Variants in HNRNPU observed in about 807,000 individuals in gnomAD.
HNRNPU encodes heterogeneous nuclear ribonucleoprotein U, also known as HNRNPU antisense RNA 1.
HNRNPU carries 5 observed loss-of-function variants against 94.7 expected under a neutral mutation model. That is an observed-to-expected ratio of 0.05 (90% confidence interval 0.03 to 0.11). The LOEUF is 0.11. Among genes scored for constraint, HNRNPU ranks in the 10% least tolerant of loss-of-function variants. HNRNPU has a pLI of 1.00. For missense variants in HNRNPU, 710 were observed against 1,049.2 expected (o/e 0.68, Z 4.47); for synonymous variants, 434 against 381.6 (o/e 1.14, Z -1.60).
In HNRNPU at chr1:244,857,104, A is replaced by G. The variant is rs1474036005; in HGVS notation, c.1615-248T>C. On this transcript the variant is annotated intron_variant, in intron 8 of 13. Coordinates refer to ENST00000640218, the MANE Select transcript of HNRNPU (RefSeq NM_031844.3). ...TACGGAAAAAAACAGAAGCCTAGCC[A>G]GTGGAAGGCAGTTTACCCTCAGAGT... The G allele has an allele frequency of 8.5e-6, 3 of 354,876 alleles. No homozygotes were observed. The East Asian group carries it at 1.5e-4, about 18-fold the overall frequency. The allele number at this position is 354,876 out of a possible 1,614,324, so 22.0% of individuals were successfully genotyped here. A position where few individuals can be genotyped will look rare whatever the true frequency, so the allele number is the denominator to read the frequency against.
rs1402734616 is a variant in HNRNPU at position 244,853,217 on chromosome 1, A to G, written c.*1233T>C. ...GAGGGGAAGGGAAGAATTCAACTTT[A>G]CTTCATAATTATGTATCAATTGTCA... On this transcript the variant is annotated 3_prime_UTR_variant, in exon 14 of 14. Transcript: ENST00000640218. The G allele has an allele frequency of 6.6e-6, 1 of 152,570 alleles. No individual in the cohort carries two copies. Among genetic ancestry groups the G allele is most frequent in the East Asian group, 1.9e-4 (1 of 5,206 alleles). 9.5% of individuals were successfully genotyped at this position (152,570 alleles called of 1,614,324 possible).
chr1:244,864,492 C>A lies in HNRNPU; in HGVS notation c.-185G>T, dbSNP rs930305002. On this transcript the variant is annotated 5_prime_UTR_variant, in exon 1 of 14. Transcript: ENST00000640218. ...CGGCGCCAATTCCTTTCACCGAGTT[C>A]GCGAGGGAGACGCGGAGACTCGCCT... 19 of 1,019,110 alleles carry A rather than the reference C, an allele frequency of 1.9e-5. No homozygotes were observed. Among genetic ancestry groups the A allele is most frequent in the Non-Finnish European group, 2.5e-5 (18 of 729,868 alleles). The allele number at this position is 1,019,110 out of a possible 1,614,324, so 63.1% of individuals were successfully genotyped here.
In HNRNPU at chr1:244,856,037, T is replaced by C; in HGVS notation, c.2034A>G (p.Pro678=). 5.0e-6 allele frequency: 8 copies of C among 1,614,198 alleles called. No homozygotes were observed. The highest frequency in any genetic ancestry group is 5.9e-6 in the Non-Finnish European group (7 of 1,180,014). Residue 678 remains proline, a synonymous_variant, in exon 11 of 14, where the codon CCA becomes CCG. Transcript: ENST00000640218. The part of the protein sequence containing the change: ...QYKEESKKAL[P]PEKKQNTGSK... Reference sequence around the variant, plus strand: ...AGCCAGTGTTCTGTTTCTTTTCTGGTGGAAGAGCCTTTTTGCTTTCTTCCT... The same window carrying C: ...AGCCAGTGTTCTGTTTCTTTTCTGGCGGAAGAGCCTTTTTGCTTTCTTCCT...
In HNRNPU at chr1:244,857,850, G is replaced by C. The variant is rs1680721028; in HGVS notation, c.1495-133C>G. On this transcript the variant is annotated intron_variant, in intron 7 of 13. Coordinates refer to ENST00000640218, the MANE Select transcript of HNRNPU (RefSeq NM_031844.3). Reference sequence around the variant, plus strand: ...ACTAACGGACAAAAATTTGTTTATGGAAAGATTAACAGTCAACATAAGGGG... The same window carrying C: ...ACTAACGGACAAAAATTTGTTTATGCAAAGATTAACAGTCAACATAAGGGG... 1.9e-5 allele frequency: 26 copies of C among 1,353,576 alleles called. No homozygotes were observed. The South Asian group carries it at 3.4e-4, about 18-fold the overall frequency. The allele number at this position is 1,353,576 out of a possible 1,614,324, so 83.8% of individuals were successfully genotyped here. A position where few individuals can be genotyped will look rare whatever the true frequency, so the allele number is the denominator to read the frequency against.
At chr1:244,860,700 G>T in intron 3 of HNRNPU, 2 of 559,038 alleles carry the variant, frequency 3.6e-6, no homozygotes, top group Non-Finnish European at 6.3e-6. Flanking sequence ...CTAATACCAA[G>T]GTTTAACATG....
intron 6 of HNRNPU, chr1:244,858,504 G>C: frequency 1.6e-6 from 1 of 606,314 alleles, no homozygotes. Context: ...GAATTTTCTA[G>C]GTCAATTTCA....
chr1:244,855,007 T>C lies in HNRNPU; in HGVS notation c.2390A>G (p.Asn797Ser), dbSNP rs1680641294. The C allele has an allele frequency of 6.2e-7, 1 of 1,613,866 alleles. No individual in the cohort carries two copies. Among genetic ancestry groups the C allele is most frequent in the Admixed American group, 1.7e-5 (1 of 60,024 alleles). ...RGRGNNRGYKNQSQGYNQWQQ... is the reference protein window; with the variant it reads ...RGRGNNRGYKSQSQGYNQWQQ... ...CCACTGGTTGTAGCCCTGAGATTGATTTTTGTAGCCACGATTGTTTCCTCG... is the reference window on the plus strand; with the variant it reads ...CCACTGGTTGTAGCCCTGAGATTGACTTTTGTAGCCACGATTGTTTCCTCG... Residue 797 changes from asparagine (N) to serine (S), a missense_variant, in exon 13 of 14, where the codon AAT becomes AGT. Around this residue, in one of 8 missense-constraint regions of HNRNPU, gnomAD observed 152 missense variants for 238.9 expected, o/e 0.64. Coordinates refer to ENST00000640218, the MANE Select transcript of HNRNPU (RefSeq NM_031844.3).
At chr1:244,860,170 T>C in intron 4 of HNRNPU, 165 bp downstream of exon 4, 2 of 558,420 alleles carry the variant, frequency 3.6e-6, no homozygotes, top group South Asian at 2.5e-5. Flanking sequence ...TGTGGTAGTG[T>C]GTGCCTCTAG....
chr1:244,863,386 G>A (rs1387844322), intron 1 of HNRNPU, among the ~76,000 whole-genome samples: 2 of 146,126 alleles, frequency 1.4e-5, no homozygotes, highest in Admixed American at 6.7e-5. Context: ...TGGAGGCGCT[G>A]CCACCGCCGA....
Position 244,862,491 on chromosome 1 carries a change from A to T in HNRNPU, c.847T>A (p.Phe283Ile). ...QPPVEEEDEHFDDTVVCLDTY... is the reference protein window; with the variant it reads ...QPPVEEEDEHIDDTVVCLDTY... ...TCAAGACAAACCACTGTGTCATCGA[A>T]GTGTTCATCTTCTTCTTCAACAGGT... Residue 283 changes from phenylalanine to isoleucine, a missense_variant, in exon 3 of 14, where the codon TTC becomes ATC. This residue lies in a region of HNRNPU where 22 missense variants were observed against 16.7 expected (regional missense o/e 1.32). Coordinates refer to ENST00000640218, the MANE Select transcript of HNRNPU (RefSeq NM_031844.3). The T allele has an allele frequency of 6.2e-7, 1 of 1,613,796 alleles. No homozygotes were observed. The highest frequency in any genetic ancestry group is 8.5e-7 in the Non-Finnish European group (1 of 1,179,834).
chr1:244,856,337 G>A (rs1680681040), intron 10 of HNRNPU, 120 bp downstream of exon 10: 9 of 1,230,616 alleles, frequency 7.3e-6, no homozygotes, highest in South Asian at 4.5e-5. Context: ...TGGAAAAAAT[G>A]TTAACTTTCA....
At chr1:244,860,242 A>G in intron 4 of HNRNPU, 93 bp downstream of exon 4, 1 of 1,048,974 alleles carries the variant, frequency 9.5e-7, no homozygotes, top group African/African-American at 1.6e-5. Flanking sequence ...CGGAGGTTGC[A>G]GTGAGCCTAG....
At chr1:244,863,420 A>ACACACACACACACGCG (rs555181156) in intron 1 of HNRNPU, among the ~76,000 whole-genome samples, 197 bp downstream of exon 1, 1 of 138,796 alleles carries the variant, frequency 7.2e-6, no homozygotes, top group South Asian at 2.3e-4. Context: ...ACACACACAC[A>ACACACACACACACGCG]CGCGCGCGCG....
chr1:244,859,544 A>C (rs1680772163), intron 4 of HNRNPU, 170 bp from the exon 5 acceptor site: 2 of 437,384 alleles, frequency 4.6e-6, no homozygotes, highest in Admixed American at 4.0e-5. Context: ...ATGTGCTTAT[A>C]ACTTGAAATT....
rs772389068 is a variant in HNRNPU, at chr1:244,863,663, C to T, written c.645G>A (p.Lys215=). The T allele has an allele frequency of 6.4e-7, 1 of 1,560,426 alleles. No homozygotes were observed. The highest frequency in any genetic ancestry group is 8.6e-7 in the Non-Finnish European group (1 of 1,164,324). Residue 215 remains lysine (K), a synonymous_variant, in exon 1 of 14, where the codon AAG becomes AAA. Coordinates refer to ENST00000640218, the MANE Select transcript of HNRNPU (RefSeq NM_031844.3). ...QGQQQAGGKK[K]AEGGGGGGRP... ...GACCGCCGCCTCCGCCGCCTTCCGC[C>T]TTCTTCTTACCTCCCGCCTGCTGCT...
chr1:244,850,964 A>C lies in HNRNPU; in HGVS notation c.*3486T>G, dbSNP rs1307436629. 1 of 152,074 alleles carries C rather than the reference A, an allele frequency of 6.6e-6. No homozygotes were observed. The highest frequency in any genetic ancestry group is 6.5e-5 in the Admixed American group (1 of 15,272). 9.4% of individuals were successfully genotyped at this position (152,074 alleles called of 1,614,324 possible). On this transcript the variant is annotated 3_prime_UTR_variant, in exon 14 of 14. Coordinates refer to ENST00000640218, the MANE Select transcript of HNRNPU (RefSeq NM_031844.3). ...TGAGAAGTAGATAAAATTCTCTGCT[A>C]CAAGTTCCATCCACTTTTTTTTTTT...
At chr1:244,861,562 T>G (rs954436430) in intron 3 of HNRNPU, 1 of 152,136 alleles carries the variant, frequency 6.6e-6, no homozygotes, top group Non-Finnish European at 1.5e-5. Context: ...CTCTTACAAA[T>G]CTGAATAAAG....
chr1:244,862,175 T>G (rs1320559714), intron 3 of HNRNPU: 4 of 329,204 alleles, frequency 1.2e-5, no homozygotes, highest in Non-Finnish European at 2.2e-5. Flanking sequence ...GTTACAAGTT[T>G]CCGTTAGCTA....
chr1:244,857,418 T>G, intron 8 of HNRNPU, 180 bp downstream of exon 8: 1 of 594,622 alleles, frequency 1.7e-6, no homozygotes, highest in Non-Finnish European at 2.9e-6. Flanking sequence ...AGCTAATTTT[T>G]AAATTTTTAG....
Sources: gnomAD v4.1 joint callset for allele counts (sites outside exome capture counted in the v4.1 genomes callset) on GRCh38, gnomAD v4.1.1 for gene constraint, gnomAD v4.1.1 regional missense constraint, MANE v1.5 for transcripts, NCBI Gene and HGNC (gene_info 2026-07-23, HGNC 2026-07-21) for gene names.